The following OTUD7A variants were observed in gnomAD, a reference collection of about 807,000 sequenced individuals.
OTUD7A encodes the protein OTU deubiquitinase 7A, also known as OTU domain-containing protein 7A.
Under a neutral mutation model 65.7 loss-of-function variants are expected in OTUD7A, and 12 were observed. That is an observed-to-expected ratio of 0.18 (90% CI 0.12 to 0.30). The LOEUF (loss-of-function observed/expected upper bound fraction) is 0.30. OTUD7A is among the 10% of genes least tolerant of loss of function. The pLI is 1.00. For missense variants in OTUD7A, 1,148 were observed against 1,304.8 expected, an observed-to-expected ratio of 0.88 and a Z score of 1.85; for synonymous variants, 641 against 586.3, an observed-to-expected ratio of 1.09 and a Z score of -1.35.
chr15:31,646,466 GT>G (rs11332562), intron 3 of OTUD7A, among the ~76,000 whole-genome samples: 34,648 of 129,798 alleles, frequency 0.27, 4,101 homozygotes, highest in African/African-American at 0.36. Flanking sequence ...TTTCTTTTTT[GT>G]TTTTTTTTTT....
chr15:31,827,025 T>C, intron 1 of OTUD7A, among the ~76,000 whole-genome samples: 1 of 152,238 alleles, frequency 6.6e-6, no homozygotes, highest in Non-Finnish European at 1.5e-5. Flanking sequence ...CACATTTTCC[T>C]GTCTTCTTCG....
At chr15:31,803,159 G>A (rs1461049352) in intron 1 of OTUD7A, among the ~76,000 whole-genome samples, 1 of 152,166 alleles carries the variant, frequency 6.6e-6, no homozygotes, top group Non-Finnish European at 1.5e-5. Flanking sequence ...GAAGGGGACA[G>A]AAGCTCAGAG....
At chr15:31,851,780 A>G (rs1897431749) in intron 1 of OTUD7A, among the ~76,000 whole-genome samples, 1 of 152,216 alleles carries the variant, frequency 6.6e-6, no homozygotes. Flanking sequence ...TGTGAACTCT[A>G]CAAACTTGGA....
intron 3 of OTUD7A, among the ~76,000 whole-genome samples, chr15:31,585,523 T>G (rs911072250): frequency 6.6e-6 from 1 of 152,226 alleles, no homozygotes; most frequent in Non-Finnish European, 1.5e-5. Context: ...GGCAGTAGGC[T>G]GTGACAGCAC....
chr15:31,506,678 G>A (rs1566888757), intron 8 of OTUD7A, among the ~76,000 whole-genome samples: 1 of 152,114 alleles, frequency 6.6e-6, no homozygotes, highest in Non-Finnish European at 1.5e-5. Context: ...ATTGATGGGC[G>A]AGCTTTTGGA....
In OTUD7A at chr15:31,487,213, C is replaced by T. The variant is rs1371341115; in HGVS notation, c.1352G>A (p.Arg451Gln). The T allele has an allele frequency of 2.0e-5, 32 of 1,613,818 alleles. No individual in the cohort carries two copies. The highest frequency in any genetic ancestry group is 2.3e-5 in the Non-Finnish European group (27 of 1,179,992). Residue 451 changes from arginine to glutamine, a missense_variant, in exon 12 of 13, where the codon CGG (arginine) becomes CAG (glutamine). Transcript: ENST00000307050. The surrounding 1 kb of genome is among the most constrained non-coding windows in gnomAD (Gnocchi z 6.0). ...LHSYMNVTWI[R>Q]IPSETRAPLA... ...GCTCACCCGTGTCTCGGAGGGGATC[C>T]GGATCCACGTCACGTTCATGTAGCT...
chr15:31,658,417 C>G (rs1363019724), intron 1 of OTUD7A, among the ~76,000 whole-genome samples: 1 of 152,146 alleles, frequency 6.6e-6, no homozygotes, highest in Non-Finnish European at 1.5e-5. Context: ...CTGGTGGGGG[C>G]TCCTGCCTTC....
chr15:31,759,809 G>A (rs568374592), intron 1 of OTUD7A, among the ~76,000 whole-genome samples: 2 of 152,208 alleles, frequency 1.3e-5, no homozygotes, highest in South Asian at 2.1e-4. Flanking sequence ...TTACAGGCAT[G>A]AGCCACCACA....
chr15:31,580,187 T>A (rs770967291), intron 3 of OTUD7A, among the ~76,000 whole-genome samples: 2 of 152,116 alleles, frequency 1.3e-5, no homozygotes, highest in Non-Finnish European at 2.9e-5. Context: ...GCAAGTACAT[T>A]CAAGGTACTG....
In OTUD7A at chr15:31,482,451, G is replaced by A. The variant is rs1038987225; in HGVS notation, c.*843C>T. On this transcript the variant is annotated 3_prime_UTR_variant, in exon 13 of 13. Coordinates refer to ENST00000307050, the MANE Select transcript of OTUD7A (RefSeq NM_001382637.1). ...AGTCCACTGTGGAAGTGCCTTCAAA[G>A]GAGAAATGTGAGCAGCCTGTCCTAT... The A allele has an allele frequency of 6.6e-6, 1 of 152,342 alleles. No homozygotes were observed. Among genetic ancestry groups the A allele is most frequent in the African/African-American group, 2.4e-5 (1 of 41,478 alleles). The allele number at this position is 152,342 out of a possible 1,614,324, so 9.4% of individuals were successfully genotyped here.
intron 8 of OTUD7A, among the ~76,000 whole-genome samples, chr15:31,507,594 C>A (rs1013067082): frequency 2.6e-4 from 39 of 151,130 alleles, no homozygotes; most frequent in Non-Finnish European, 5.2e-4. Flanking sequence ...AGGTTCTAAA[C>A]CATGGAACAG....
chr15:31,759,856 G>A (rs938206817), intron 1 of OTUD7A, among the ~76,000 whole-genome samples: 1 of 151,996 alleles, frequency 6.6e-6, no homozygotes, highest in Non-Finnish European at 1.5e-5. Flanking sequence ...TAATATTCAT[G>A]CTTTGTCCAT....
At chr15:31,791,903 C>A (rs1170465687) in intron 1 of OTUD7A, among the ~76,000 whole-genome samples, 3 of 152,106 alleles carry the variant, frequency 2.0e-5, no homozygotes, top group African/African-American at 7.2e-5. Flanking sequence ...TCCCCAAATG[C>A]ACTCCCATGA....
At chr15:31,649,495 T>G (rs1034645254) in intron 3 of OTUD7A, among the ~76,000 whole-genome samples, 6 of 152,230 alleles carry the variant, frequency 3.9e-5, no homozygotes, top group African/African-American at 9.6e-5. Context: ...GAGGATTTAT[T>G]TCCCTTTAGA....
chr15:31,787,636 G>A (rs983035355), intron 1 of OTUD7A: 2 of 152,182 alleles, frequency 1.3e-5, no homozygotes, highest in Non-Finnish European at 1.5e-5. Context: ...TGTGATAAGT[G>A]TGGAAAGTTC....
At chr15:31,497,656 C>T (rs1228439195) in intron 10 of OTUD7A, among the ~76,000 whole-genome samples, 1 of 152,148 alleles carries the variant, frequency 6.6e-6, no homozygotes, top group African/African-American at 2.4e-5. Flanking sequence ...GTTCCTGAGT[C>T]CTGGGTCTGA....
chr15:31,523,422 G>A (rs2041965246), intron 8 of OTUD7A, among the ~76,000 whole-genome samples: 1 of 152,206 alleles, frequency 6.6e-6, no homozygotes, highest in Admixed American at 6.5e-5. Context: ...TCTGCCAGTT[G>A]AGGGGCTGTG....
chr15:31,786,404 A>C (rs975665552), intron 1 of OTUD7A, among the ~76,000 whole-genome samples: 1 of 152,228 alleles, frequency 6.6e-6, no homozygotes, highest in African/African-American at 2.4e-5. Flanking sequence ...CTTAAGGCAA[A>C]GAGGCCAGGA....
chr15:31,490,945 A>T (rs1453903408), intron 10 of OTUD7A, among the ~76,000 whole-genome samples: 2 of 152,194 alleles, frequency 1.3e-5, no homozygotes, highest in African/African-American at 4.8e-5. Context: ...GGATCTGGGG[A>T]TGGGGGTGAC....
Sources: allele counts gnomAD v4.1 joint callset (sites outside exome capture counted in the v4.1 genomes callset), GRCh38; gene constraint gnomAD v4.1.1; non-coding constraint Gnocchi (gnomAD v3.1); transcripts MANE v1.5; gene names NCBI Gene and HGNC (gene_info 2026-07-23, HGNC 2026-07-21).